The following PTPRG variants were observed in gnomAD, a reference collection of about 807,000 sequenced individuals.
PTPRG encodes receptor-type tyrosine-protein phosphatase gamma.
Under a neutral mutation model 165.3 loss-of-function variants are expected in PTPRG, and 102 were observed. That is an observed-to-expected ratio of 0.62 (90% confidence interval 0.53 to 0.73). The LOEUF is 0.73. Ranked by LOEUF, PTPRG falls within the 30% of genes least tolerant of loss-of-function variation. PTPRG has a pLI of 0.00. For synonymous variants in PTPRG, 675 were observed against 669.5 expected (o/e 1.01, Z -0.13); for missense variants, 1,866 against 1,861.4 (o/e 1.00, Z -0.05).
At chr3:61,893,867 C>T (rs2038280919) in intron 2 of PTPRG, among the ~76,000 whole-genome samples, 1 of 152,118 alleles carries the variant, frequency 6.6e-6, no homozygotes, top group Non-Finnish European at 1.5e-5. Context: ...TCAAACATTT[C>T]TTTGGTGCTG....
At chr3:61,616,495 T>C (rs1248679384) in intron 1 of PTPRG, among the ~76,000 whole-genome samples, 2 of 152,206 alleles carry the variant, frequency 1.3e-5, no homozygotes, top group Non-Finnish European at 2.9e-5. Flanking sequence ...GTTTTGAATA[T>C]GTTTATTTAC....
At chr3:61,890,417 TTTTTTG>T (rs1376744771) in intron 2 of PTPRG, among the ~76,000 whole-genome samples, 2 of 81,854 alleles carry the variant, frequency 2.4e-5, no homozygotes, top group African/African-American at 7.6e-5. Flanking sequence ...TCTTTGTTTT[TTTTTTG>T]TTTTTTTTTT....
intron 1 of PTPRG, among the ~76,000 whole-genome samples, chr3:61,577,438 A>G (rs972436906): frequency 6.6e-6 from 1 of 152,238 alleles, no homozygotes; most frequent in Non-Finnish European, 1.5e-5. Context: ...AAACACTTCA[A>G]GTATGGCATG....
At chr3:61,962,875 TTTTG>T (rs2040185293) in intron 2 of PTPRG, among the ~76,000 whole-genome samples, 1 of 152,196 alleles carries the variant, frequency 6.6e-6, no homozygotes, top group Admixed American at 6.5e-5. Flanking sequence ...ATGTTTATTT[TTTTG>T]TTTGTTTAGT....
At chr3:62,074,046 G>C (rs1701294229) in intron 4 of PTPRG, among the ~76,000 whole-genome samples, 1 of 152,080 alleles carries the variant, frequency 6.6e-6, no homozygotes, top group African/African-American at 2.4e-5. Context: ...TGTGAAGTTT[G>C]GTAATTCTAA....
chr3:61,705,543 C>G (rs1360778320), intron 1 of PTPRG, among the ~76,000 whole-genome samples: 1 of 152,112 alleles, frequency 6.6e-6, no homozygotes, highest in Non-Finnish European at 1.5e-5. Flanking sequence ...GTCGCCATCA[C>G]CGCATCAAAG....
At chr3:62,160,854 T>C (rs1451031938) in intron 7 of PTPRG, among the ~76,000 whole-genome samples, 4 of 146,542 alleles carry the variant, frequency 2.7e-5, no homozygotes, top group African/African-American at 7.6e-5. Flanking sequence ...TGTTTACCTT[T>C]AGATGTGTGA....
intron 2 of PTPRG, among the ~76,000 whole-genome samples, chr3:61,979,535 C>G (rs933550427): frequency 2.2e-5 from 3 of 135,364 alleles, no homozygotes; most frequent in Non-Finnish European, 4.8e-5. Flanking sequence ...GTCAGAAGGC[C>G]TCTCTGATTA....
chr3:62,246,745 T>G (rs1336994159), intron 15 of PTPRG, among the ~76,000 whole-genome samples: 1 of 152,190 alleles, frequency 6.6e-6, no homozygotes, highest in Non-Finnish European at 1.5e-5. Flanking sequence ...ATACGAGATT[T>G]ATAGAGCTCC....
chr3:61,915,385 T>G (rs1183434460), intron 2 of PTPRG, among the ~76,000 whole-genome samples: 2 of 152,244 alleles, frequency 1.3e-5, no homozygotes, highest in Non-Finnish European at 2.9e-5. Flanking sequence ...GTTTTCTGAA[T>G]ATTTCAGAAC....
At chr3:61,878,066 T>C (rs1028837587) in intron 2 of PTPRG, among the ~76,000 whole-genome samples, 2 of 152,238 alleles carry the variant, frequency 1.3e-5, no homozygotes, top group Non-Finnish European at 2.9e-5. Flanking sequence ...GAGATAATTT[T>C]CTCAAGAAGT....
intron 4 of PTPRG, among the ~76,000 whole-genome samples, chr3:62,068,321 C>A (rs975596405): frequency 3.9e-5 from 6 of 152,084 alleles, no homozygotes; most frequent in African/African-American, 1.4e-4. Flanking sequence ...GGGCCCTAGG[C>A]TGGAGGGATT....
At chr3:61,822,193 T>C (rs951431384) in intron 2 of PTPRG, among the ~76,000 whole-genome samples, 2 of 152,232 alleles carry the variant, frequency 1.3e-5, no homozygotes, top group African/African-American at 4.8e-5. Flanking sequence ...TTCAATACTG[T>C]TTCTTTGACT....
chr3:62,203,157 G>A lies in PTPRG; in HGVS notation c.1378-16G>A, dbSNP rs764845784. 5.8e-6 allele frequency: 9 copies of A among 1,555,944 alleles called. No homozygotes were observed. Among genetic ancestry groups the A allele is most frequent in the Admixed American group, 3.8e-5 (2 of 51,992 alleles). ...CTTCTGCCTCTTTTCCACCCTTGCC[G>A]GGTGACCCTTTCCAGCCCACAGCGT... On this transcript the variant is annotated splice_polypyrimidine_tract_variant and intron_variant, in intron 11 of 29. Transcript: ENST00000474889. The surrounding 1 kb of genome is among the most constrained non-coding windows in gnomAD (Gnocchi z 6.4).
chr3:62,069,662 TC>T (rs1410632024), intron 4 of PTPRG, among the ~76,000 whole-genome samples: 2 of 144,154 alleles, frequency 1.4e-5, no homozygotes, highest in Admixed American at 6.9e-5. Context: ...TCTCTCTCTC[TC>T]TCTCTCTCTC....
At chr3:62,170,315 T>G (rs751413202) in intron 8 of PTPRG, among the ~76,000 whole-genome samples, 8 of 151,812 alleles carry the variant, frequency 5.3e-5, no homozygotes, top group Non-Finnish European at 1.2e-4. Flanking sequence ...ACTGAGAAAA[T>G]CAGGTCTCCT....
At chr3:62,156,636 C>T (rs1704548001) in intron 6 of PTPRG, among the ~76,000 whole-genome samples, 1 of 152,076 alleles carries the variant, frequency 6.6e-6, no homozygotes, top group African/African-American at 2.4e-5. Context: ...AAGTTTGTTC[C>T]ACTGATTATC....
At chr3:61,871,256 C>A (rs1234125335) in intron 2 of PTPRG, among the ~76,000 whole-genome samples, 1 of 151,632 alleles carries the variant, frequency 6.6e-6, no homozygotes, top group African/African-American at 2.4e-5. Flanking sequence ...AAGACAGGGT[C>A]TTGGTCTGTC....
intron 2 of PTPRG, among the ~76,000 whole-genome samples, chr3:61,814,512 C>A (rs537631269): frequency 1.3e-4 from 20 of 151,758 alleles, no homozygotes; most frequent in Non-Finnish European, 2.9e-5. Flanking sequence ...CTAGTAGCCC[C>A]GTATGTTTTC....
Sources: gnomAD v4.1 joint callset for allele counts (sites outside exome capture counted in the v4.1 genomes callset) on GRCh38, gnomAD v4.1.1 for gene constraint, Gnocchi (gnomAD v3.1) non-coding constraint, MANE v1.5 for transcripts, NCBI Gene and HGNC (gene_info 2026-07-23, HGNC 2026-07-21) for gene names.